The following ZNF609 variants were observed in gnomAD, a reference collection of about 807,000 sequenced individuals.
ZNF609 encodes the protein zinc finger protein 609.
ZNF609 carries 11 observed loss-of-function variants against 109.5 expected under a neutral mutation model. That is an observed-to-expected ratio of 0.10 (90% CI 0.06 to 0.17). ZNF609 has a LOEUF of 0.17. Ranked by LOEUF, ZNF609 falls within the 10% of genes least tolerant of loss-of-function variation. The probability of loss-of-function intolerance (pLI) is 1.00; values close to 1 mark genes in which losing one functional copy is unlikely to be tolerated. For synonymous variants in ZNF609, 646 were observed against 662.0 expected (o/e 0.98, Z 0.37); for missense variants, 1,559 against 1,772.4 (o/e 0.88, Z 2.16).
chr15:64,526,147 C>A (rs1468948975), intron 2 of ZNF609, among the ~76,000 whole-genome samples: 2 of 148,838 alleles, frequency 1.3e-5, no homozygotes, highest in Non-Finnish European at 3.0e-5. Context: ...AGGGGTTGTA[C>A]ACCAAAATCT....
At chr15:64,476,427 G>A (rs993795540) in intron 1 of ZNF609, among the ~76,000 whole-genome samples, 1 of 152,164 alleles carries the variant, frequency 6.6e-6, no homozygotes, top group African/African-American at 2.4e-5. Context: ...GAGTGGAAAA[G>A]AGGGTTAGGT....
intron 3 of ZNF609, among the ~76,000 whole-genome samples, chr15:64,646,408 A>G (rs1038943097): frequency 1.3e-5 from 2 of 151,980 alleles, no homozygotes; most frequent in African/African-American, 4.8e-5. Context: ...AGGTGGGTGG[A>G]TCAGCAGAGG....
intron 3 of ZNF609, among the ~76,000 whole-genome samples, chr15:64,642,729 G>C (rs1422547248): frequency 6.6e-6 from 1 of 152,200 alleles, no homozygotes; most frequent in African/African-American, 2.4e-5. Context: ...GGGAGATCGA[G>C]GCTGCAGTGA....
intron 2 of ZNF609, among the ~76,000 whole-genome samples, chr15:64,570,339 T>G (rs2140412992): frequency 6.6e-6 from 1 of 152,348 alleles, no homozygotes; most frequent in Non-Finnish European, 1.5e-5. Flanking sequence ...CTCATCTTTA[T>G]CATTTAAATA....
chr15:64,499,195 GC>G, intron 1 of ZNF609, 97 bp from the exon 2 acceptor site: 1 of 525,598 alleles, frequency 1.9e-6, no homozygotes, highest in Non-Finnish European at 3.3e-6. Context: ...TGATATGATA[GC>G]CCCATAGGAA....
At chr15:64,636,764 G>T (rs1329436176) in intron 3 of ZNF609, among the ~76,000 whole-genome samples, 1 of 152,158 alleles carries the variant, frequency 6.6e-6, no homozygotes, top group Non-Finnish European at 1.5e-5. Flanking sequence ...CTGCCCTAGA[G>T]ATTGGGCAAG....
rs1217775551 is a variant in ZNF609 at position 64,678,137 on chromosome 15, A to G, written c.3424A>G (p.Thr1142Ala). The change falls in exon 6 of 10, where the codon ACA becomes GCA. Residue 1142 changes from threonine (T) to alanine (A), a missense_variant. By Grantham distance (58) the Thr-to-Ala change is moderately conservative (BLOSUM62 0). Coordinates refer to ENST00000326648, the MANE Select transcript of ZNF609 (RefSeq NM_015042.2). ...GTAGGAGGCAGAGCCCCGGATGTGGACATATGTTTATCCTGCCAAGTACTC... is the reference window on the plus strand; with the variant it reads ...GTAGGAGGCAGAGCCCCGGATGTGGGCATATGTTTATCCTGCCAAGTACTC... ...YRQEAEPRMW[T>A]YVYPAKYSDI... is the part of the protein sequence containing the mutation. 1 of 1,612,748 alleles carries G rather than the reference A, an allele frequency of 6.2e-7. No individual in the cohort carries two copies. The highest frequency in any genetic ancestry group is 8.5e-7 in the Non-Finnish European group (1 of 1,179,486).
At chr15:64,554,964 T>C (rs576859203) in intron 2 of ZNF609, among the ~76,000 whole-genome samples, 1 of 151,900 alleles carries the variant, frequency 6.6e-6, no homozygotes, top group African/African-American at 2.4e-5. Flanking sequence ...GACACAGTGA[T>C]GTGCGCCTGT....
intron 3 of ZNF609, among the ~76,000 whole-genome samples, chr15:64,668,065 T>A (rs950128417): frequency 1.3e-5 from 2 of 152,228 alleles, no homozygotes; most frequent in Admixed American, 1.3e-4. Flanking sequence ...GAAGACCTGT[T>A]GTACTGAGTC....
At chr15:64,615,008 G>A (rs150678738) in intron 2 of ZNF609, among the ~76,000 whole-genome samples, 2,048 of 151,960 alleles carry the variant, frequency 0.013, 16 homozygotes, top group Non-Finnish European at 0.022. Context: ...CAATAGTGAC[G>A]GGGTTTCACC....
At chr15:64,477,536 C>T (rs1893190952) in intron 1 of ZNF609, among the ~76,000 whole-genome samples, 1 of 152,006 alleles carries the variant, frequency 6.6e-6, no homozygotes, top group Admixed American at 6.6e-5. Flanking sequence ...AACAGAAGTC[C>T]CTTAGGCCAG....
At chr15:64,489,086 G>GT (rs1169090205) in intron 1 of ZNF609, among the ~76,000 whole-genome samples, 1 of 151,852 alleles carries the variant, frequency 6.6e-6, no homozygotes, top group Non-Finnish European at 1.5e-5. Flanking sequence ...TCCCACCTGG[G>GT]TGGCAGAGTG....
chr15:64,528,847 G>T, intron 2 of ZNF609: 1 of 858,468 alleles, frequency 1.2e-6, no homozygotes, highest in South Asian at 1.4e-5. Context: ...GGTGCTCATT[G>T]TAGCCCAGGA....
At position 64,469,061 on chromosome 15, in the gene ZNF609, A is replaced by AAAG. The variant is rs1364089945; in HGVS notation, c.-128+8223_-128+8224insAAG. Among the ~76,000 whole-genome samples, 2 of 47,950 alleles carry AAAG rather than the reference A, an allele frequency of 4.2e-5. 1 individual carries two copies. The allele number at this position is 47,950 out of a possible 152,430, so 31.5% of individuals were successfully genotyped here. ...TAAAAAAAAAAAAAAAAAAAACAAC[A>AAAG]CAATTCAGCCTGGCCAACATGGTGA... On this transcript the variant is annotated intron_variant, in intron 1 of 9. Coordinates refer to ENST00000326648, the MANE Select transcript of ZNF609 (RefSeq NM_015042.2).
chr15:64,567,924 G>C (rs1295478976), intron 2 of ZNF609, among the ~76,000 whole-genome samples: 1 of 151,898 alleles, frequency 6.6e-6, no homozygotes, highest in African/African-American at 2.4e-5. Flanking sequence ...GCCTCCCAAA[G>C]TGCTGGGATT....
chr15:64,536,733 C>A (rs549907139), intron 2 of ZNF609, among the ~76,000 whole-genome samples: 21 of 146,878 alleles, frequency 1.4e-4, no homozygotes, highest in East Asian at 4.0e-4. Context: ...ACCCCCCCCC[C>A]CAAAAAAAAA....
rs2083211356 is a variant in ZNF609 at position 64,681,843 on chromosome 15, C to T, written c.*157C>T. ...TGAAGGCAGACCCTTGGCTATCTCACCTCCACCAGACCTCCGGACTACCTG... is the reference window on the plus strand; with the variant it reads ...TGAAGGCAGACCCTTGGCTATCTCATCTCCACCAGACCTCCGGACTACCTG... On this transcript the variant is annotated 3_prime_UTR_variant, in exon 10 of 10. Transcript: ENST00000326648. 6.4e-6 allele frequency: 1 copy of T among 155,300 alleles called. No individual in the cohort carries two copies. Among genetic ancestry groups the T allele is most frequent in the South Asian group, 2.0e-4 (1 of 4,944 alleles). 9.6% of individuals were successfully genotyped at this position (155,300 alleles called of 1,614,324 possible).
At chr15:64,536,886 GGCGACAGAGAGAGACC>G (rs1894155942) in intron 2 of ZNF609, among the ~76,000 whole-genome samples, 2 of 143,602 alleles carry the variant, frequency 1.4e-5, no homozygotes, top group Non-Finnish European at 1.5e-5. Context: ...CTCCAGCCTG[GGCGACAGAGAGAGACC>G]CTGTCTCAAA....
intron 9 of ZNF609, 93 bp downstream of exon 9, chr15:64,681,480 G>A: frequency 1.9e-6 from 2 of 1,072,664 alleles, no homozygotes; most frequent in Non-Finnish European, 2.8e-6. Flanking sequence ...AGCTATGAGG[G>A]GTCAGCAGTC....
Sources: allele counts gnomAD v4.1 joint callset (sites outside exome capture counted in the v4.1 genomes callset), GRCh38; gene constraint gnomAD v4.1.1; transcripts MANE v1.5; gene names NCBI Gene and HGNC (gene_info 2026-07-23, HGNC 2026-07-21).